The following GCLC variants were observed in gnomAD, a reference collection of about 807,000 sequenced individuals.
GCLC encodes glutamate-cysteine ligase catalytic subunit.
In GCLC, 30 loss-of-function variants were observed where a neutral mutation model predicts 81.5. That is an observed-to-expected ratio of 0.37 (90% CI 0.28 to 0.50). GCLC has a LOEUF of 0.50. GCLC is among the 20% of genes least tolerant of loss of function. The pLI is 0.96. For missense variants in GCLC, 556 were observed against 777.4 expected (o/e 0.72, Z 3.39); for synonymous variants, 262 against 273.3 (o/e 0.96, Z 0.41).
At chr6:53,522,288 GCAA>G (rs1763012859) in intron 2 of GCLC, 124 bp downstream of exon 2, 1 of 688,898 alleles carries the variant, frequency 1.5e-6, no homozygotes, top group Non-Finnish European at 2.6e-6. Context: ...TGAAACTATG[GCAA>G]CCTGAAACCA....
chr6:53,542,772 T>C (rs1328462509), intron 1 of GCLC, among the ~76,000 whole-genome samples: 3 of 126,350 alleles, frequency 2.4e-5, no homozygotes, highest in African/African-American at 9.6e-5. Context: ...TCCCAGCACT[T>C]TGGGAAGCCG....
At chr6:53,522,685 T>C in intron 1 of GCLC, 158 bp from the exon 2 acceptor site, 1 of 592,720 alleles carries the variant, frequency 1.7e-6, no homozygotes, top group Admixed American at 2.6e-5. Context: ...AGTGTTCATA[T>C]GCATAATATG....
intron 1 of GCLC, among the ~76,000 whole-genome samples, chr6:53,524,898 G>A (rs1200531051): frequency 1.3e-5 from 2 of 152,134 alleles, no homozygotes; most frequent in Admixed American, 6.5e-5. Context: ...AACATGGGTA[G>A]GGCAAAAGAA....
Position 53,498,747 on chromosome 6 carries a change from G to A in GCLC, c.*9C>T, listed in dbSNP as rs1346007363. ...TCGTCAATAATGCATTTTTCTTTCT[G>A]TAGAATGTCTAGTTGGATGAGTCAG... On this transcript the variant is annotated 3_prime_UTR_variant, in exon 16 of 16. Transcript: ENST00000650454. 2.6e-6 allele frequency: 4 copies of A among 1,555,548 alleles called. No homozygotes were observed. In the Admixed American group the frequency reaches 6.7e-5, roughly 26 times the overall value.
chr6:53,537,398 G>A (rs1358676791), intron 1 of GCLC, among the ~76,000 whole-genome samples: 1 of 152,196 alleles, frequency 6.6e-6, no homozygotes. Context: ...CCTATAGAAG[G>A]AACCTGAATC....
rs17879847 is a variant in GCLC at position 53,508,688 on chromosome 6, G to C, written c.852C>G (p.Pro284=). 5.2e-5 allele frequency: 84 copies of C among 1,612,972 alleles called. No individual in the cohort carries two copies. In the African/African-American group the frequency reaches 1.0e-3, roughly 20 times the overall value. ...PIVMALSAAS[P]FYRGYVSDID... is the part of the protein sequence containing the mutation. ...TGTCTGACACATAGCCTCGGTAAAA[G>C]GGAGATGCAGCACTCAAAGCCATCT... The change falls in exon 8 of 16, where the codon CCC becomes CCG. Residue 284 remains proline, a synonymous_variant. Coordinates refer to ENST00000650454, the MANE Select transcript of GCLC (RefSeq NM_001498.4).
chr6:53,505,982 A>G, intron 10 of GCLC, 87 bp from the exon 11 acceptor site: 1 of 799,084 alleles, frequency 1.3e-6, no homozygotes, highest in South Asian at 1.4e-5. Context: ...AAGGAAGAAG[A>G]CTGCTCACTG....
chr6:53,507,346 G>A (rs1047657219), intron 9 of GCLC, 134 bp downstream of exon 9: 4 of 855,348 alleles, frequency 4.7e-6, no homozygotes, highest in African/African-American at 3.4e-5. Flanking sequence ...TTAGGAACAA[G>A]TAGCCTCATG....
In GCLC at chr6:53,497,910, C is replaced by T. The variant is rs760137759; in HGVS notation, c.*846G>A. ...TACAGCAGCAATCAGAATAACAGGC[C>T]ACAAGAGAAGAACGCCATTTTTGAC... On this transcript the variant is annotated 3_prime_UTR_variant, in exon 16 of 16. Coordinates refer to ENST00000650454, the MANE Select transcript of GCLC (RefSeq NM_001498.4). 1.3e-5 allele frequency: 2 copies of T among 152,126 alleles called. No homozygotes were observed. Among genetic ancestry groups the T allele is most frequent in the African/African-American group, 2.4e-5 (1 of 41,278 alleles). The allele number at this position is 152,126 out of a possible 1,614,324, so 9.4% of individuals were successfully genotyped here.
intron 1 of GCLC, among the ~76,000 whole-genome samples, chr6:53,535,325 G>C (rs1171462628): frequency 6.6e-6 from 1 of 152,216 alleles, no homozygotes; most frequent in African/African-American, 2.4e-5. Context: ...GACCAGCCTG[G>C]CCAACATGGC....
intron 6 of GCLC, chr6:53,512,995 C>A (rs191111560): frequency 5.3e-5 from 8 of 151,984 alleles, no homozygotes; most frequent in Admixed American, 4.6e-4. Flanking sequence ...TCTCTTTTTT[C>A]GTGAAGTGTG....
chr6:53,542,720 C>G (rs530041244), intron 1 of GCLC, among the ~76,000 whole-genome samples: 1 of 152,252 alleles, frequency 6.6e-6, no homozygotes, highest in South Asian at 2.1e-4. Context: ...AGTTAAATGT[C>G]AAAAGCAGCA....
intron 8 of GCLC, among the ~76,000 whole-genome samples, chr6:53,508,026 C>T (rs1356638983): frequency 6.6e-6 from 1 of 152,132 alleles, no homozygotes; most frequent in Non-Finnish European, 1.5e-5. Context: ...AGTAGTATAG[C>T]CCTGGTTGAG....
At chr6:53,535,016 T>C (rs1470974811) in intron 1 of GCLC, among the ~76,000 whole-genome samples, 1 of 152,086 alleles carries the variant, frequency 6.6e-6, no homozygotes, top group Non-Finnish European at 1.5e-5. Flanking sequence ...GTCAAACCAG[T>C]TGAAAAAGAA....
At chr6:53,524,743 G>A (rs1763052874) in intron 1 of GCLC, among the ~76,000 whole-genome samples, 1 of 152,176 alleles carries the variant, frequency 6.6e-6, no homozygotes, top group African/African-American at 2.4e-5. Flanking sequence ...TGCTTACTGA[G>A]TGCATCATTT....
intron 1 of GCLC, among the ~76,000 whole-genome samples, chr6:53,534,636 A>G (rs1763228867): frequency 6.8e-6 from 1 of 147,008 alleles, no homozygotes; most frequent in African/African-American, 2.6e-5. Context: ...GCTCCAGGTC[A>G]TGGGCAGGAA....
At chr6:53,530,376 T>G (rs187699779) in intron 1 of GCLC, among the ~76,000 whole-genome samples, 2 of 152,286 alleles carry the variant, frequency 1.3e-5, no homozygotes, top group Admixed American at 1.3e-4. Flanking sequence ...CCTGTGGGAT[T>G]TGGAAGATTT....
At chr6:53,528,328 C>T (rs1763117860) in intron 1 of GCLC, among the ~76,000 whole-genome samples, 1 of 152,118 alleles carries the variant, frequency 6.6e-6, no homozygotes. Flanking sequence ...ATAGGAAAAC[C>T]ACTGTTTGAC....
rs1193293089 is a variant in GCLC at position 53,540,212 on chromosome 6, T to C, written c.150+4284A>G. Among the ~76,000 whole-genome samples the C allele has an allele frequency of 2.0e-5, 3 of 152,048 alleles. No homozygotes were observed. In the East Asian group the frequency reaches 5.8e-4, roughly 29 times the overall value. ...TGGCAAAGAGATATTAGCACTCCAA[T>C]GTTCATCGAAGTTATTCACAATAGC... On this transcript the variant is annotated intron_variant, in intron 1 of 15. Transcript: ENST00000650454.
Sources: gnomAD v4.1 joint callset for allele counts (sites outside exome capture counted in the v4.1 genomes callset) on GRCh38, gnomAD v4.1.1 for gene constraint, MANE v1.5 for transcripts, NCBI Gene and HGNC (gene_info 2026-07-23, HGNC 2026-07-21) for gene names.